Variants in GPC6 observed in about 807,000 individuals in gnomAD.
GPC6 encodes the protein glypican 6.
GPC6 carries 14 observed loss-of-function variants against 55.2 expected under a neutral mutation model. The observed-to-expected ratio is 0.25, with a 90% confidence interval of 0.17 to 0.40. GPC6 has a LOEUF of 0.40. GPC6 is among the 10% of genes least tolerant of loss of function. The pLI is 1.00. For synonymous variants in GPC6, 278 were observed against 259.6 expected (o/e 1.07, Z -0.68); for missense variants, 641 against 708.5 (o/e 0.90, Z 1.08).
At chr13:93,399,061 GAC>G (rs35212206) in intron 1 of GPC6, among the ~76,000 whole-genome samples, 3,867 of 150,706 alleles carry the variant, frequency 0.026, 155 homozygotes, top group African/African-American at 0.08. Context: ...CACACACACA[GAC>G]ACACACACAC....
intron 1 of GPC6, among the ~76,000 whole-genome samples, chr13:93,469,918 A>G (rs1480653164): frequency 1.1e-4 from 16 of 152,136 alleles, no homozygotes; most frequent in Non-Finnish European, 1.5e-5. Context: ...TCAGAAATTT[A>G]ATGACCATAT....
At chr13:94,222,010 G>A (rs1162533770) in intron 4 of GPC6, among the ~76,000 whole-genome samples, 2 of 146,862 alleles carry the variant, frequency 1.4e-5, no homozygotes, top group East Asian at 4.0e-4. Context: ...TAGTGATAGG[G>A]TTTTTTTTTT....
At chr13:93,995,161 C>CTATTTTTTATTTTATTTTATTTTATTT (rs1566639351) in intron 3 of GPC6, among the ~76,000 whole-genome samples, 5 of 144,406 alleles carry the variant, frequency 3.5e-5, no homozygotes, top group African/African-American at 1.3e-4. Flanking sequence ...TGTACTTCAA[C>CTATTTTTTATTTTATTTTATTTTATTT]TATTTTATTT....
chr13:93,489,977 G>T (rs3901738), intron 1 of GPC6, among the ~76,000 whole-genome samples: 119,895 of 150,780 alleles, frequency 0.8, 47,848 homozygotes, highest in East Asian at 0.99. Flanking sequence ...CCTGCCTGAT[G>T]GCCCTGGCCA....
At chr13:94,126,316 G>C (rs946282754) in intron 4 of GPC6, among the ~76,000 whole-genome samples, 1 of 152,166 alleles carries the variant, frequency 6.6e-6, no homozygotes, top group Non-Finnish European at 1.5e-5. Flanking sequence ...TTAGGAGTTT[G>C]AGGCTGCAGT....
At position 93,745,673 on chromosome 13, in the gene GPC6, C is replaced by A. The variant is rs191454355; in HGVS notation, c.320-84481C>A. ...AAGCAGCAGTAGGAAGCCACAGCTC[C>A]CAGTTACCCACAGGATCAGGAGGGT... is the stretch of plus-strand genomic sequence containing the variant. On this transcript the variant is annotated intron_variant, in intron 2 of 8. Coordinates refer to ENST00000377047, the MANE Select transcript of GPC6 (RefSeq NM_005708.5). 1.1e-3 allele frequency among the ~76,000 whole-genome samples: 170 copies of A among 152,280 alleles called. 2 individuals carry two copies. The highest frequency in any genetic ancestry group is 3.9e-3 in the African/African-American group (162 of 41,562).
At chr13:94,059,160 T>G (rs1176194957) in intron 4 of GPC6, among the ~76,000 whole-genome samples, 1 of 152,144 alleles carries the variant, frequency 6.6e-6, no homozygotes, top group Non-Finnish European at 1.5e-5. Flanking sequence ...ATTAACATGT[T>G]GTTCATGTTG....
intron 3 of GPC6, among the ~76,000 whole-genome samples, chr13:93,925,017 T>C (rs1566606095): frequency 6.6e-6 from 1 of 152,188 alleles, no homozygotes; most frequent in Non-Finnish European, 1.5e-5. Context: ...GAAACAAAGA[T>C]GTAAAAGCCA....
intron 4 of GPC6, among the ~76,000 whole-genome samples, chr13:94,206,418 T>C (rs1889903511): frequency 6.6e-6 from 1 of 152,132 alleles, no homozygotes; most frequent in African/African-American, 2.4e-5. Flanking sequence ...TCTTCAGTAG[T>C]GTTCGTTTAA....
In GPC6 at chr13:93,510,802, C is replaced by T. The variant is rs568313204; in HGVS notation, c.161-34461C>T. ...TTTCTTTTCTCTACATCCTCACCAA[C>T]ATGTTATTTTGTCTTTCTAAGACTA... On this transcript the variant is annotated intron_variant, in intron 1 of 8. Transcript: ENST00000377047. Among the ~76,000 whole-genome samples, 11 of 150,732 alleles carry T rather than the reference C, an allele frequency of 7.3e-5. No homozygotes were observed. The South Asian group carries it at 2.3e-3, about 32-fold the overall frequency.
intron 2 of GPC6, among the ~76,000 whole-genome samples, chr13:93,789,607 A>ATATT (rs1885947338): frequency 7.0e-5 from 1 of 14,368 alleles, no homozygotes; most frequent in Admixed American, 9.1e-4. Context: ...ACATATATAT[A>ATATT]TATATATATA....
rs371928301 is a variant in GPC6, at chr13:94,027,918, G to A, written c.877+24G>A. ...AGGTAAGAAGTGTTTAAATGGATCC[G>A]AGAACAGAGACGGGACAACAGCAAG... On this transcript the variant is annotated intron_variant, in intron 4 of 8. Transcript: ENST00000377047. 55 of 1,606,522 alleles carry A rather than the reference G, an allele frequency of 3.4e-5. 1 individual carries two copies. Among genetic ancestry groups the A allele is most frequent in the Admixed American group, 2.3e-4 (14 of 59,992 alleles).
chr13:93,295,109 CAAAAAAAAA>C (rs71202577), intron 1 of GPC6, among the ~76,000 whole-genome samples: 1 of 61,832 alleles, frequency 1.6e-5, no homozygotes, highest in African/African-American at 6.5e-5. Flanking sequence ...TCTGTCTCTG[CAAAAAAAAA>C]AAAAAAAAAA....
chr13:94,239,381 G>A (rs1260271765), intron 4 of GPC6, among the ~76,000 whole-genome samples: 2 of 152,098 alleles, frequency 1.3e-5, no homozygotes, highest in South Asian at 2.1e-4. Context: ...CACACATGTG[G>A]TTAAATAATT....
At chr13:93,318,450 A>G (rs1231400542) in intron 1 of GPC6, among the ~76,000 whole-genome samples, 2 of 152,178 alleles carry the variant, frequency 1.3e-5, no homozygotes. Flanking sequence ...AGAAAAAAGA[A>G]TATTGAGACT....
intron 3 of GPC6, among the ~76,000 whole-genome samples, chr13:93,936,366 C>T: frequency 6.6e-6 from 1 of 151,864 alleles, no homozygotes; most frequent in East Asian, 1.9e-4. Flanking sequence ...CATAAATTTT[C>T]TTGGGGGAAG....
chr13:93,825,826 A>G (rs1461101893), intron 2 of GPC6, among the ~76,000 whole-genome samples: 6 of 150,720 alleles, frequency 4.0e-5, no homozygotes, highest in African/African-American at 7.3e-5. Context: ...ATAGGATGTC[A>G]GCTTTCATCT....
At chr13:93,636,042 T>C (rs1879678813) in intron 2 of GPC6, among the ~76,000 whole-genome samples, 1 of 152,032 alleles carries the variant, frequency 6.6e-6, no homozygotes, top group African/African-American at 2.4e-5. Flanking sequence ...AGAGCACACA[T>C]ACTGACATAT....
At chr13:94,160,517 C>T (rs55704408) in intron 4 of GPC6, among the ~76,000 whole-genome samples, 29,910 of 152,234 alleles carry the variant, frequency 0.2, 3,153 homozygotes, top group South Asian at 0.29. Context: ...ATGGCAACCA[C>T]AGGATATTAA....
Sources: gnomAD v4.1 joint callset for allele counts (sites outside exome capture counted in the v4.1 genomes callset) on GRCh38, gnomAD v4.1.1 for gene constraint, MANE v1.5 for transcripts, NCBI Gene and HGNC (gene_info 2026-07-23, HGNC 2026-07-21) for gene names.